The following VPS8 variants were observed in gnomAD, a reference collection of about 807,000 sequenced individuals.
The protein encoded by VPS8 is VPS8 subunit of CORVET complex, also known as vacuolar protein sorting-associated protein 8 homolog.
Under a neutral mutation model 216.4 loss-of-function variants are expected in VPS8, and 129 were observed. That is an observed-to-expected ratio of 0.60 (90% confidence interval 0.52 to 0.69). The LOEUF is 0.69. Among genes scored for constraint, VPS8 ranks in the 30% least tolerant of loss-of-function variants. The pLI is 0.00. For synonymous variants in VPS8, 571 were observed against 565.4 expected (o/e 1.01, Z -0.14); for missense variants, 1,531 against 1,683.5 (o/e 0.91, Z 1.59).
intron 44 of VPS8, among the ~76,000 whole-genome samples, chr3:184,997,465 ATTGGTAGAC>A: frequency 6.6e-6 from 1 of 152,346 alleles, no homozygotes. Flanking sequence ...CTGCAGGAAG[ATTGGTAGAC>A]TTGATGGTTG....
intron 46 of VPS8, among the ~76,000 whole-genome samples, chr3:185,030,552 A>G (rs1341187446): frequency 2.0e-5 from 3 of 152,200 alleles, no homozygotes; most frequent in Admixed American, 6.5e-5. Context: ...AAGCCTTTCC[A>G]ATAGTTCTGT....
At chr3:184,928,725 G>A (rs1740135474) in intron 32 of VPS8, among the ~76,000 whole-genome samples, 192 bp downstream of exon 32, 1 of 152,146 alleles carries the variant, frequency 6.6e-6, no homozygotes, top group Non-Finnish European at 1.5e-5. Context: ...TGCAGAAATT[G>A]ATAGGGCAGA....
In VPS8 at chr3:184,977,884, CT is replaced by C. The variant is rs55727843; in HGVS notation, c.3421-4666del. On this transcript the variant is annotated intron_variant, in intron 40 of 47. Coordinates refer to ENST00000625842, the MANE Select transcript of VPS8 (RefSeq NM_001009921.3). ...ATATTAGCCTGATGTTTTCTTTTTT[CT>C]TTTTTTTTTTTTTTTATTGTGTCTC... Among the ~76,000 whole-genome samples, 559 of 131,266 alleles carry C rather than the reference CT, an allele frequency of 4.3e-3. 5 individuals are homozygous for C. The highest frequency in any genetic ancestry group is 0.014 in the African/African-American group (516 of 35,724). The allele number at this position is 131,266 out of a possible 152,430, so 86.1% of individuals were successfully genotyped here. A position where few individuals can be genotyped will look rare whatever the true frequency, so the allele number is the denominator to read the frequency against.
chr3:184,853,921 T>C lies in VPS8; in HGVS notation c.886T>C (p.Cys296Arg). The stretch of plus-strand genomic sequence containing the variant: ...GTTCAGTGGTTCCAAGGGTGAAGTC[T>C]GCTGTATTGAGCCTCTGCATTCTAA... ...CLFSGSKGEVCCIEPLHSKPE... is the reference protein window; with the variant it reads ...CLFSGSKGEVRCIEPLHSKPE... Residue 296 changes from cysteine (C) to arginine (R), a missense_variant, in exon 12 of 48, where the codon TGC becomes CGC. This residue lies in a region of VPS8 where 1,318 missense variants were observed against 1,468.4 expected (regional missense o/e 0.90). Coordinates refer to ENST00000625842, the MANE Select transcript of VPS8 (RefSeq NM_001009921.3). The C allele has an allele frequency of 6.2e-7, 1 of 1,611,316 alleles. No individual in the cohort carries two copies. Among genetic ancestry groups the C allele is most frequent in the Non-Finnish European group, 8.5e-7 (1 of 1,178,642 alleles).
chr3:184,842,966 C>G (rs977645022), intron 7 of VPS8, among the ~76,000 whole-genome samples: 2 of 150,762 alleles, frequency 1.3e-5, no homozygotes, highest in Admixed American at 6.6e-5. Flanking sequence ...AGTAGATTAT[C>G]TTTTTGAAAT....
chr3:184,943,061 T>G (rs1334416352), intron 36 of VPS8, among the ~76,000 whole-genome samples: 1 of 152,204 alleles, frequency 6.6e-6, no homozygotes, highest in East Asian at 1.9e-4. Flanking sequence ...TTCCCTTCTT[T>G]CCAGGGATGC....
chr3:184,878,576 A>G (rs1052434008), intron 21 of VPS8, among the ~76,000 whole-genome samples: 2 of 152,198 alleles, frequency 1.3e-5, no homozygotes, highest in African/African-American at 4.8e-5. Flanking sequence ...ACTACAAGCC[A>G]AACACAGAGC....
intron 45 of VPS8, among the ~76,000 whole-genome samples, chr3:185,001,558 C>T (rs1350191261): frequency 2.0e-5 from 3 of 152,190 alleles, no homozygotes; most frequent in Admixed American, 1.3e-4. Context: ...AATGTCTACA[C>T]CAACCCATAA....
intron 44 of VPS8, among the ~76,000 whole-genome samples, chr3:184,998,867 T>A (rs1753003230): frequency 6.6e-6 from 1 of 152,080 alleles, no homozygotes. Context: ...TAAATAATTA[T>A]GATTTTTTCC....
At chr3:184,837,545 A>C (rs967843500) in intron 5 of VPS8, among the ~76,000 whole-genome samples, 7 of 152,218 alleles carry the variant, frequency 4.6e-5, no homozygotes, top group Non-Finnish European at 1.0e-4. Flanking sequence ...ACACACAGAC[A>C]TATACACTCA....
chr3:185,020,818 A>G (rs969920050), intron 45 of VPS8, among the ~76,000 whole-genome samples: 1 of 152,234 alleles, frequency 6.6e-6, no homozygotes, highest in Non-Finnish European at 1.5e-5. Flanking sequence ...CACGCCTGTA[A>G]TTCCAACATT....
chr3:184,869,174 T>G (rs1408093076), intron 19 of VPS8, 138 bp downstream of exon 19: 2 of 814,096 alleles, frequency 2.5e-6, no homozygotes, highest in African/African-American at 3.5e-5. Flanking sequence ...CCTTATAGAC[T>G]TTCAGTTAAG....
chr3:184,998,464 T>G (rs1752913783), intron 44 of VPS8, among the ~76,000 whole-genome samples: 1 of 69,332 alleles, frequency 1.4e-5, no homozygotes, highest in African/African-American at 4.9e-5. Context: ...AACAACAGAG[T>G]ATAGAAGAGG....
intron 42 of VPS8, among the ~76,000 whole-genome samples, chr3:184,986,514 G>A (rs1751096387): frequency 6.6e-6 from 1 of 152,178 alleles, no homozygotes; most frequent in Admixed American, 6.5e-5. Context: ...AAAGTCTGCT[G>A]ATGGTATTCC....
intron 45 of VPS8, among the ~76,000 whole-genome samples, chr3:185,011,259 G>A (rs1754981343): frequency 6.6e-6 from 1 of 152,182 alleles, no homozygotes; most frequent in Non-Finnish European, 1.5e-5. Flanking sequence ...CTGGAAGCAG[G>A]CAGAAACTAT....
At chr3:184,955,782 CTATT>C (rs63470660) in intron 36 of VPS8, among the ~76,000 whole-genome samples, 70,243 of 151,406 alleles carry the variant, frequency 0.46, 17,645 homozygotes, top group Middle Eastern at 0.6. Flanking sequence ...TTACTGAGCA[CTATT>C]TATTATGTCT....
At chr3:184,993,131 A>C (rs1476234263) in intron 42 of VPS8, among the ~76,000 whole-genome samples, 1 of 152,200 alleles carries the variant, frequency 6.6e-6, no homozygotes, top group African/African-American at 2.4e-5. Flanking sequence ...ATTTGCTGGT[A>C]TGGAAAAGTG....
intron 22 of VPS8, among the ~76,000 whole-genome samples, chr3:184,886,481 A>G (rs983982623): frequency 5.3e-5 from 8 of 151,750 alleles, no homozygotes; most frequent in African/African-American, 1.2e-4. Context: ...ACACACACAC[A>G]CGCATATATA....
At chr3:185,024,925 C>G (rs1262841818) in intron 46 of VPS8, among the ~76,000 whole-genome samples, 1 of 151,936 alleles carries the variant, frequency 6.6e-6, no homozygotes, top group Non-Finnish European at 1.5e-5. Context: ...TTGCTTGAAC[C>G]CGGGAGGCGG....
Sources: allele counts gnomAD v4.1 joint callset (sites outside exome capture counted in the v4.1 genomes callset), GRCh38; gene constraint gnomAD v4.1.1; regional missense constraint gnomAD v4.1.1; transcripts MANE v1.5; gene names NCBI Gene and HGNC (gene_info 2026-07-23, HGNC 2026-07-21).